DIS3L2: variants seen among roughly 807,000 people sequenced by gnomAD.
DIS3L2 encodes the protein DIS3 like 3'-5' exoribonuclease 2.
In DIS3L2, 34 loss-of-function variants were observed where a neutral mutation model predicts 97.5. The observed-to-expected ratio is 0.35, with a 90% CI of 0.27 to 0.46. The LOEUF (loss-of-function observed/expected upper bound fraction) is 0.46, where lower values mean the gene tolerates loss of function less well. DIS3L2 is among the 20% of genes least tolerant of loss of function. The pLI, the probability that DIS3L2 is intolerant of heterozygous loss-of-function variation, is 1.00. For synonymous variants in DIS3L2, 435 were observed against 445.2 expected, an observed-to-expected ratio of 0.98 and a Z score of 0.29; for missense variants, 1,038 against 1,146.0, an observed-to-expected ratio of 0.91 and a Z score of 1.36.
Position 232,276,973 on chromosome 2 carries a change from A to G in DIS3L2, c.1659+13533A>G, listed in dbSNP as rs1694158360. Among the ~76,000 whole-genome samples, 1 of 152,224 alleles carries G rather than the reference A, an allele frequency of 6.6e-6. No homozygotes were observed. The highest frequency in any genetic ancestry group is 6.5e-5 in the Admixed American group (1 of 15,288). ...AAGAGCTACTTTAACACAGAGGTGA[A>G]CTTGGAAGGACTACAGTAAACGATG... On this transcript the variant is annotated intron_variant, in intron 13 of 20. Transcript: ENST00000325385. The surrounding 1 kb of genome is among the most constrained non-coding windows in gnomAD (Gnocchi z 4.4).
intron 5 of DIS3L2, among the ~76,000 whole-genome samples, chr2:232,085,492 C>A (rs1210172076): frequency 2.6e-5 from 4 of 152,170 alleles, no homozygotes; most frequent in African/African-American, 9.7e-5. Context: ...AAGTAGTGAT[C>A]AAATTCATTT....
intron 19 of DIS3L2, chr2:232,335,406 C>G (rs190932901): frequency 1.9e-3 from 509 of 262,492 alleles, no homozygotes; most frequent in African/African-American, 0.01. Flanking sequence ...TCAAGCCTAG[C>G]TCACCCTGCT....
intron 10 of DIS3L2, among the ~76,000 whole-genome samples, chr2:232,229,180 C>T (rs1310335176): frequency 6.6e-6 from 1 of 152,096 alleles, no homozygotes; most frequent in Admixed American, 6.5e-5. Flanking sequence ...AGTCCTGCCT[C>T]TTCTCTTTTT....
At chr2:232,184,725 T>C (rs902432684) in intron 9 of DIS3L2, among the ~76,000 whole-genome samples, 1 of 152,168 alleles carries the variant, frequency 6.6e-6, no homozygotes, top group Non-Finnish European at 1.5e-5. Flanking sequence ...AGATTAGTAG[T>C]GTTGGGTAGC....
At chr2:232,173,220 G>A (rs1691043504) in intron 9 of DIS3L2, among the ~76,000 whole-genome samples, 1 of 152,080 alleles carries the variant, frequency 6.6e-6, no homozygotes. Context: ...AGATCACAAA[G>A]AGTTAGACAT....
At chr2:232,226,404 A>G (rs1335320811) in intron 10 of DIS3L2, among the ~76,000 whole-genome samples, 4 of 152,230 alleles carry the variant, frequency 2.6e-5, no homozygotes, top group Non-Finnish European at 5.9e-5. Context: ...AACCTCTCTG[A>G]GTCTGAATGT....
intron 5 of DIS3L2, among the ~76,000 whole-genome samples, chr2:232,053,557 C>T (rs920136431): frequency 2.0e-5 from 3 of 152,178 alleles, no homozygotes; most frequent in African/African-American, 2.4e-5. Flanking sequence ...AGTCACAGTC[C>T]GGGCTGCCTG....
chr2:232,086,586 A>AATAT (rs1207470520), intron 5 of DIS3L2, among the ~76,000 whole-genome samples: 10 of 108,852 alleles, frequency 9.2e-5, no homozygotes, highest in East Asian at 9.0e-4. Flanking sequence ...TGAGCCTTTA[A>AATAT]ATATATATAT....
rs1695975650 is a variant in DIS3L2, at chr2:232,336,894, G to A, written c.*264G>A. On this transcript the variant is annotated 3_prime_UTR_variant, in exon 21 of 21. Transcript: ENST00000325385. ...TGGGAGGCTGGCCCCCCTTTTTTCTGGGCCCTACTGCCCTCCTCTGCCCAG... is the reference window on the plus strand; with the variant it reads ...TGGGAGGCTGGCCCCCCTTTTTTCTAGGCCCTACTGCCCTCCTCTGCCCAG... 2 of 1,302,488 alleles carry A rather than the reference G, an allele frequency of 1.5e-6. No homozygotes were observed. Among genetic ancestry groups the A allele is most frequent in the East Asian group, 3.7e-5 (1 of 27,116 alleles). 80.7% of individuals were successfully genotyped at this position (1,302,488 alleles called of 1,614,324 possible).
At chr2:232,215,159 G>A (rs1471335606) in intron 10 of DIS3L2, among the ~76,000 whole-genome samples, 2 of 152,180 alleles carry the variant, frequency 1.3e-5, no homozygotes, top group African/African-American at 4.8e-5. Context: ...GGAAATTGGA[G>A]TTTACACCTT....
chr2:232,077,248 A>G lies in DIS3L2; in HGVS notation c.367-10239A>G, dbSNP rs114137645. Among the ~76,000 whole-genome samples the G allele has an allele frequency of 8.2e-3, 1,238 of 150,716 alleles. 9 individuals are homozygous for G. The highest frequency in any genetic ancestry group is 0.012 in the Non-Finnish European group (834 of 67,848). Reference sequence around the variant, plus strand: ...AATCCTGCCTGATGGAGAAAGCCTTACTTTTTCCTTTCAGCACACTGCCAT... The same window carrying G: ...AATCCTGCCTGATGGAGAAAGCCTTGCTTTTTCCTTTCAGCACACTGCCAT... On this transcript the variant is annotated intron_variant, in intron 5 of 20. Transcript: ENST00000325385.
chr2:232,148,250 T>C (rs952938884), intron 8 of DIS3L2, among the ~76,000 whole-genome samples: 1 of 152,082 alleles, frequency 6.6e-6, no homozygotes, highest in African/African-American at 2.4e-5. Flanking sequence ...GGTTTCACCA[T>C]GTTGGCCAGG....
At chr2:232,280,899 G>C (rs1225300457) in intron 13 of DIS3L2, among the ~76,000 whole-genome samples, 2 of 152,210 alleles carry the variant, frequency 1.3e-5, no homozygotes, top group East Asian at 3.8e-4. Context: ...GAAGATTCCA[G>C]TTCCAGTAAG....
chr2:232,075,291 G>GTGGA (rs1696151628), intron 5 of DIS3L2, among the ~76,000 whole-genome samples: 1 of 152,188 alleles, frequency 6.6e-6, no homozygotes, highest in African/African-American at 2.4e-5. Context: ...GGGTCATTGG[G>GTGGA]TGGATCCAAT....
At chr2:232,232,772 A>G (rs1368605348) in intron 10 of DIS3L2, among the ~76,000 whole-genome samples, 1 of 152,182 alleles carries the variant, frequency 6.6e-6, no homozygotes, top group African/African-American at 2.4e-5. Context: ...GGCTGGTGAT[A>G]TACAATTAGA....
At chr2:232,286,469 T>C (rs1004412231) in intron 13 of DIS3L2, among the ~76,000 whole-genome samples, 3 of 152,000 alleles carry the variant, frequency 2.0e-5, no homozygotes, top group Non-Finnish European at 4.4e-5. Context: ...TTGGACCTTA[T>C]TGTTGTAGAA....
chr2:231,997,718 T>C (rs1191608804), intron 1 of DIS3L2, among the ~76,000 whole-genome samples: 1 of 152,276 alleles, frequency 6.6e-6, no homozygotes. Context: ...ATAATTACTT[T>C]GTATTCTTTA....
chr2:232,308,830 A>G (rs1448578775), intron 14 of DIS3L2, among the ~76,000 whole-genome samples: 2 of 152,170 alleles, frequency 1.3e-5, no homozygotes, highest in Non-Finnish European at 2.9e-5. Context: ...GTCTCAGAAC[A>G]CACTCTCTAG....
At chr2:232,333,756 G>GA in intron 16 of DIS3L2, 84 bp from the exon 17 acceptor site, 346 of 1,486,770 alleles carry the variant, frequency 2.3e-4, no homozygotes, top group Admixed American at 1.3e-3. Flanking sequence ...CGCTGCCGAC[G>GA]GTGAGGCTGT....
Sources: gnomAD v4.1 joint callset for allele counts (sites outside exome capture counted in the v4.1 genomes callset) on GRCh38, gnomAD v4.1.1 for gene constraint, Gnocchi (gnomAD v3.1) non-coding constraint, MANE v1.5 for transcripts, NCBI Gene and HGNC (gene_info 2026-07-23, HGNC 2026-07-21) for gene names.